The following GLIS1 variants were observed in gnomAD, a reference collection of about 807,000 sequenced individuals.
The protein encoded by GLIS1 is GLIS family zinc finger 1.
Under a neutral mutation model 63.8 loss-of-function variants are expected in GLIS1, and 24 were observed. The observed-to-expected ratio is 0.38, with a 90% CI of 0.27 to 0.53. The LOEUF is 0.53. GLIS1 is among the 20% of genes least tolerant of loss of function. The pLI, the probability that GLIS1 is intolerant of heterozygous loss-of-function variation, is 0.85. For synonymous variants in GLIS1, 450 were observed against 482.5 expected (o/e 0.93, Z 0.88); for missense variants, 1,036 against 1,074.1 (o/e 0.96, Z 0.50).
In GLIS1 at chr1:53,620,539, A is replaced by G. The variant is rs555669943; in HGVS notation, c.260-20261T>C. ...AGTACAGTGTTTGGTACTAGTCAACAAGATGGATGTTGTTTCGTTTCGGCT... is the reference window on the plus strand; with the variant it reads ...AGTACAGTGTTTGGTACTAGTCAACGAGATGGATGTTGTTTCGTTTCGGCT... On this transcript the variant is annotated intron_variant, in intron 2 of 10. Transcript: ENST00000628545. 2.0e-5 allele frequency among the ~76,000 whole-genome samples: 3 copies of G among 152,352 alleles called. No individual in the cohort carries two copies. In the East Asian group the frequency reaches 5.8e-4, roughly 29 times the overall value.
At chr1:53,572,531 C>T (rs1178200202) in intron 4 of GLIS1, among the ~76,000 whole-genome samples, 1 of 152,216 alleles carries the variant, frequency 6.6e-6, no homozygotes, top group Admixed American at 6.5e-5. Context: ...CTCTTTCCAG[C>T]CCTGTCATAG....
At chr1:53,509,405 T>A in intron 9 of GLIS1, 118 bp from the exon 10 acceptor site, 1 of 1,125,464 alleles carries the variant, frequency 8.9e-7, no homozygotes, top group East Asian at 2.7e-5. Flanking sequence ...ATTGTGGGTG[T>A]GAGAGAGAGA....
chr1:53,693,582 A>T (rs979220494), intron 2 of GLIS1, among the ~76,000 whole-genome samples: 3 of 152,154 alleles, frequency 2.0e-5, no homozygotes, highest in Admixed American at 6.5e-5. Context: ...CCGCCCACAG[A>T]TCCAAATTTC....
intron 4 of GLIS1, among the ~76,000 whole-genome samples, chr1:53,592,621 A>C (rs1299224979): frequency 1.3e-5 from 2 of 152,222 alleles, no homozygotes; most frequent in Admixed American, 6.5e-5. Context: ...AAGCCAGAGC[A>C]TCGCCAGGGG....
intron 7 of GLIS1, among the ~76,000 whole-genome samples, chr1:53,517,120 A>G (rs1301970827): frequency 6.6e-6 from 1 of 152,116 alleles, no homozygotes; most frequent in Non-Finnish European, 1.5e-5. Context: ...AAAGTCACAG[A>G]GTAGGCGGCT....
chr1:53,665,454 G>T (rs1480601019), intron 2 of GLIS1, among the ~76,000 whole-genome samples: 1 of 152,200 alleles, frequency 6.6e-6, no homozygotes, highest in Non-Finnish European at 1.5e-5. Context: ...TCTACCACAT[G>T]ATATCCAAAG....
intron 2 of GLIS1, among the ~76,000 whole-genome samples, chr1:53,673,817 G>A (rs975486912): frequency 5.3e-5 from 8 of 152,218 alleles, no homozygotes; most frequent in African/African-American, 1.9e-4. Context: ...GGTGAAGTCC[G>A]CATGAAGGCA....
intron 2 of GLIS1, among the ~76,000 whole-genome samples, chr1:53,713,909 G>A (rs1340587274): frequency 6.6e-6 from 1 of 152,230 alleles, no homozygotes; most frequent in African/African-American, 2.4e-5. Context: ...AATCCAGAGG[G>A]TATAGACAGA....
intron 4 of GLIS1, 92 bp downstream of exon 4, chr1:53,594,016 C>G (rs545769778): frequency 3.6e-6 from 5 of 1,400,856 alleles, no homozygotes; most frequent in Non-Finnish European, 4.8e-6. Flanking sequence ...GCCCAGAGGA[C>G]GGAGTCCCAG....
chr1:53,737,780 A>T, intron 2 of GLIS1, 26 bp downstream of exon 2: 1 of 1,230,882 alleles, frequency 8.1e-7, no homozygotes, highest in South Asian at 4.1e-5. Flanking sequence ...AGGAGCCGCC[A>T]GGCACGTTGG....
rs192324647 is a variant in GLIS1, at chr1:53,582,594, G to A, written c.1320+11514C>T. ...TGAACCTGGGAAATTTCCTCCCAGT[G>A]CACATGACAAGAGCCAGTGTTCTTC... is the stretch of plus-strand genomic sequence containing the variant. On this transcript the variant is annotated intron_variant, in intron 4 of 10. Coordinates refer to ENST00000628545, the MANE Select transcript of GLIS1 (RefSeq NM_001367484.1). Among the ~76,000 whole-genome samples the A allele has an allele frequency of 2.4e-4, 36 of 152,328 alleles. No individual in the cohort carries two copies. In the East Asian group the frequency reaches 5.8e-3, roughly 25 times the overall value.
chr1:53,706,046 G>T (rs1482826770), intron 2 of GLIS1, among the ~76,000 whole-genome samples: 1 of 152,184 alleles, frequency 6.6e-6, no homozygotes, highest in Non-Finnish European at 1.5e-5. Context: ...CTTGAAAAGT[G>T]CCTCAGTTTA....
chr1:53,593,979 C>T lies in GLIS1; in HGVS notation c.1320+129G>A, dbSNP rs1278584059. ...GCCACATCCACAGCATGGGTCCTTTCCTCCTCAACCACAGGGATCTCAGCC... is the reference window on the plus strand; with the variant it reads ...GCCACATCCACAGCATGGGTCCTTTTCTCCTCAACCACAGGGATCTCAGCC... On this transcript the variant is annotated intron_variant, in intron 4 of 10. Transcript: ENST00000628545. The T allele has an allele frequency of 2.7e-6, 3 of 1,127,926 alleles. No homozygotes were observed. In the Admixed American group the frequency reaches 8.3e-5, roughly 31 times the overall value. The allele number at this position is 1,127,926 out of a possible 1,614,324, so 69.9% of individuals were successfully genotyped here.
intron 4 of GLIS1, among the ~76,000 whole-genome samples, chr1:53,548,957 T>C (rs529541558): frequency 4.9e-4 from 75 of 152,320 alleles, no homozygotes; most frequent in African/African-American, 1.8e-3. Context: ...CTCTCCCAAA[T>C]CCCTAGAAAC....
chr1:53,578,023 C>T (rs1645050002), intron 4 of GLIS1, among the ~76,000 whole-genome samples: 1 of 152,080 alleles, frequency 6.6e-6, no homozygotes, highest in African/African-American at 2.4e-5. Flanking sequence ...TCTCCTAGGC[C>T]CCATCATCCC....
At position 53,646,552 on chromosome 1, in the gene GLIS1, G is replaced by A. The variant is rs922499909; in HGVS notation, c.260-46274C>T. On this transcript the variant is annotated intron_variant, in intron 2 of 10. Transcript: ENST00000628545. The surrounding 1 kb of genome is among the most constrained non-coding windows in gnomAD (Gnocchi z 4.2). ...AGGCTGGACATGGTGGCTCACACCT[G>A]TAATTCCAGCGCTTTGGGAGGCTAA... Among the ~76,000 whole-genome samples, 1 of 152,204 alleles carries A rather than the reference G, an allele frequency of 6.6e-6. No individual in the cohort carries two copies. Among genetic ancestry groups the A allele is most frequent in the African/African-American group, 2.4e-5 (1 of 41,450 alleles).
chr1:53,562,649 C>T (rs374955073), intron 4 of GLIS1, among the ~76,000 whole-genome samples: 12 of 152,304 alleles, frequency 7.9e-5, no homozygotes, highest in African/African-American at 2.9e-4. Flanking sequence ...GGTGCTGGTA[C>T]ACCTCCAGAT....
At chr1:53,732,635 T>C (rs1274937126) in intron 2 of GLIS1, among the ~76,000 whole-genome samples, 2 of 152,172 alleles carry the variant, frequency 1.3e-5, no homozygotes. Flanking sequence ...CTGTGCTTTT[T>C]GCATAATGCA....
chr1:53,508,453 C>T (rs928863598), intron 10 of GLIS1, among the ~76,000 whole-genome samples: 1 of 152,204 alleles, frequency 6.6e-6, no homozygotes, highest in Admixed American at 6.5e-5. Context: ...TCCTGTTAGA[C>T]CTGGGCCCCG....
Sources: allele counts gnomAD v4.1 joint callset (sites outside exome capture counted in the v4.1 genomes callset), GRCh38; gene constraint gnomAD v4.1.1; non-coding constraint Gnocchi (gnomAD v3.1); transcripts MANE v1.5; gene names NCBI Gene and HGNC (gene_info 2026-07-23, HGNC 2026-07-21).